The following TMC6 variants were observed in gnomAD, a reference collection of about 807,000 sequenced individuals.
TMC6 encodes transmembrane channel-like protein 6.
TMC6 carries 71 observed loss-of-function variants against 95.4 expected under a neutral mutation model. The ratio of observed to expected loss-of-function variants is 0.74; its 90% CI spans 0.61 to 0.91. The LOEUF is 0.91. Ranked by LOEUF, TMC6 falls within the 40% of genes least tolerant of loss-of-function variation. The pLI is 0.00. For synonymous variants in TMC6, 514 were observed against 483.1 expected (o/e 1.06, Z -0.84); for missense variants, 1,074 against 1,079.1 (o/e 1.00, Z 0.07).
At position 78,109,998 on chromosome 17, in the gene TMC6, G is replaced by A. The variant is rs1035673260; in HGVS notation, c.*3150C>T. 3.0e-5 allele frequency: 5 copies of A among 165,802 alleles called. No homozygotes were observed. The highest frequency in any genetic ancestry group is 2.9e-4 in the South Asian group (2 of 7,012). 10.3% of individuals were successfully genotyped at this position (165,802 alleles called of 1,614,324 possible). A position where few individuals can be genotyped will look rare whatever the true frequency, so the allele number is the denominator to read the frequency against. On this transcript the variant is annotated 3_prime_UTR_variant, in exon 20 of 20. Coordinates refer to ENST00000590602, the MANE Select transcript of TMC6 (RefSeq NM_001127198.5). ...GGAGAATGGCTTGAACCCAGTAGGCGGAGGTTGCGGTGAGCCAAGATCGTC... is the reference window on the plus strand; with the variant it reads ...GGAGAATGGCTTGAACCCAGTAGGCAGAGGTTGCGGTGAGCCAAGATCGTC...
intron 15 of TMC6, among the ~76,000 whole-genome samples, chr17:78,118,678 T>C (rs903719140): frequency 1.3e-5 from 2 of 152,034 alleles, no homozygotes; most frequent in Non-Finnish European, 2.9e-5. Flanking sequence ...GACCCAGAGG[T>C]CCCAAGGCTT....
intron 8 of TMC6, 31 bp downstream of exon 8, chr17:78,124,493 C>G: frequency 6.2e-7 from 1 of 1,603,368 alleles, no homozygotes; most frequent in Non-Finnish European, 8.5e-7. Context: ...AGACAGGCAC[C>G]CCCCGTCCCC....
At chr17:78,120,216 G>A (rs2145178757) in intron 13 of TMC6, 1 of 348,198 alleles carries the variant, frequency 2.9e-6, no homozygotes, top group Non-Finnish European at 5.6e-6. Flanking sequence ...CTGGAGTGCA[G>A]AGGCGCAATC....
At chr17:78,131,908 A>C, upstream of TMC6, 1 of 1,492,584 alleles carries the variant, frequency 6.7e-7, no homozygotes, top group Non-Finnish European at 8.9e-7. Flanking sequence ...GCGGGGGTGC[A>C]GACCTTGCGC....
At chr17:78,117,166 C>T in intron 18 of TMC6, 103 bp downstream of exon 18, 4 of 1,289,432 alleles carry the variant, frequency 3.1e-6, no homozygotes, top group South Asian at 1.2e-5. Flanking sequence ...AACCCTTTCA[C>T]CAGCCAAGGC....
At chr17:78,123,910 A>G in intron 9 of TMC6, 79 bp downstream of exon 9, 1 of 1,560,164 alleles carries the variant, frequency 6.4e-7, no homozygotes, top group South Asian at 1.1e-5. Context: ...AGGAAGAGGG[A>G]AGAATCAATG....
chr17:78,119,232 C>T (rs966935856), intron 14 of TMC6, 65 bp downstream of exon 14: 5 of 1,591,038 alleles, frequency 3.1e-6, no homozygotes, highest in South Asian at 1.1e-5. Flanking sequence ...AGGTACAGGA[C>T]CCCCGGGGGG....
In TMC6 at chr17:78,113,605, A is replaced by G; in HGVS notation, c.2297T>C (p.Phe766Ser). The change falls in exon 19 of 20, where the codon TTC (phenylalanine) becomes TCC (serine). Residue 766 changes from phenylalanine to serine, a missense_variant. Coordinates refer to ENST00000590602, the MANE Select transcript of TMC6 (RefSeq NM_001127198.5). ...QISNEGEDKI[F>S]LINKLHSIYE... ...GATGGAGTGAAGCTTGTTGATTAAGAAGATTTTGTCCTCACCCTCCTAGAA... is the reference window on the plus strand; with the variant it reads ...GATGGAGTGAAGCTTGTTGATTAAGGAGATTTTGTCCTCACCCTCCTAGAA... 6.2e-7 allele frequency: 1 copy of G among 1,613,912 alleles called. No homozygotes were observed. The highest frequency in any genetic ancestry group is 8.5e-7 in the Non-Finnish European group (1 of 1,180,014).
upstream of TMC6, among the ~76,000 whole-genome samples, chr17:78,130,254 A>G (rs1299886205): frequency 6.6e-6 from 1 of 152,136 alleles, no homozygotes; most frequent in Non-Finnish European, 1.5e-5. Flanking sequence ...CAGCAGTAAC[A>G]CCAAGAGTAT....
In TMC6 at chr17:78,109,158, C is replaced by T. The variant is rs1242688836; in HGVS notation, c.*3990G>A. The stretch of plus-strand genomic sequence containing the variant: ...CTATTTTGGCAACATCACGGCAGAA[C>T]GGTAAAGGCAGAAAGCACAGTGCCC... On this transcript the variant is annotated 3_prime_UTR_variant, in exon 20 of 20. Coordinates refer to ENST00000590602, the MANE Select transcript of TMC6 (RefSeq NM_001127198.5). 6 of 299,778 alleles carry T rather than the reference C, an allele frequency of 2.0e-5. No homozygotes were observed. Among genetic ancestry groups the T allele is most frequent in the Non-Finnish European group, 1.3e-5 (2 of 151,380 alleles). 18.6% of individuals were successfully genotyped at this position (299,778 alleles called of 1,614,324 possible).
At chr17:78,118,506 A>G (rs1374954396) in intron 15 of TMC6, among the ~76,000 whole-genome samples, 3 of 152,014 alleles carry the variant, frequency 2.0e-5, no homozygotes, top group Non-Finnish European at 4.4e-5. Flanking sequence ...CAGTGAGCCG[A>G]GATTGCGCCA....
chr17:78,125,258 G>C lies in TMC6; in HGVS notation c.436C>G (p.Gln146Glu), dbSNP rs376106882. The change falls in exon 6 of 20, where the codon CAG becomes GAG. Residue 146 changes from glutamine (Q) to glutamate (E), a missense_variant. Physicochemically the swap from Gln to Glu is conservative, Grantham distance 29. Coordinates refer to ENST00000590602, the MANE Select transcript of TMC6 (RefSeq NM_001127198.5). ...TGGAGCTCCTTCACCAGGAGGCTCTGCTTCTCTGCGAGAGGGAGAGGGAGG... is the reference window on the plus strand; with the variant it reads ...TGGAGCTCCTTCACCAGGAGGCTCTCCTTCTCTGCGAGAGGGAGAGGGAGG... ...DPTALEEEEK[Q>E]SLLVKELQSL... is the part of the protein sequence containing the mutation. 1 of 1,569,146 alleles carries C rather than the reference G, an allele frequency of 6.4e-7. No individual in the cohort carries two copies. The highest frequency in any genetic ancestry group is 1.9e-5 in the Admixed American group (1 of 53,274).
chr17:78,107,544 G>A lies in TMC6; in HGVS notation c.*5604C>T, dbSNP rs2073722945. On this transcript the variant is annotated 3_prime_UTR_variant, in exon 20 of 20. Transcript: ENST00000590602. ...GATTGGGAGAGCTGTCCCGCTGCAT[G>A]CGTTCCCTCTGTAATTTCCTCAGAG... 1 of 152,250 alleles carries A rather than the reference G, an allele frequency of 6.6e-6. No homozygotes were observed. Among genetic ancestry groups the A allele is most frequent in the Non-Finnish European group, 1.5e-5 (1 of 68,046 alleles). The allele number at this position is 152,250 out of a possible 1,614,324, so 9.4% of individuals were successfully genotyped here.
At chr17:78,126,472 TG>T (rs2074723794) in intron 3 of TMC6, 51 bp downstream of exon 3, 2 of 1,610,738 alleles carry the variant, frequency 1.2e-6, no homozygotes, top group Admixed American at 1.7e-5. Flanking sequence ...CCTGAGGGGC[TG>T]GGGCACCCAA....
Position 78,113,567 on chromosome 17 carries a change from C to A in TMC6, c.2335G>T (p.Glu779Ter). 1 of 1,614,030 alleles carries A rather than the reference C, an allele frequency of 6.2e-7. No homozygotes were observed. Among genetic ancestry groups the A allele is most frequent in the Non-Finnish European group, 8.5e-7 (1 of 1,180,014 alleles). The change falls in exon 19 of 20, where the codon GAG becomes TAG. Residue 779 changes from glutamate to a stop codon, truncating the protein, a stop_gained. Coordinates refer to ENST00000590602, the MANE Select transcript of TMC6 (RefSeq NM_001127198.5). LOFTEE classifies it low-confidence loss of function (END_TRUNC). ...NKLHSIYERK[E>*]REERSRVGTT... ...CCTCACCTGCTCCTCTCCTCCCTCT[C>A]CTTCCTCTCGTAGATGGAGTGAAGC...
chr17:78,108,767 C>G lies in TMC6; in HGVS notation c.*4381G>C, dbSNP rs1360566766. 6.5e-6 allele frequency: 1 copy of G among 152,722 alleles called. No individual in the cohort carries two copies. The highest frequency in any genetic ancestry group is 2.4e-5 in the African/African-American group (1 of 41,438). The allele number at this position is 152,722 out of a possible 1,614,324, so 9.5% of individuals were successfully genotyped here. A position where few individuals can be genotyped will look rare whatever the true frequency, so the allele number is the denominator to read the frequency against. ...CTTGAGGAAGACAACAGGTTCTTCA[C>G]CTGCATCTGTGGATATATATTTTTT... On this transcript the variant is annotated 3_prime_UTR_variant, in exon 20 of 20. Transcript: ENST00000590602.
At chr17:78,127,822 C>T (rs2074806412) in intron 1 of TMC6, among the ~76,000 whole-genome samples, 1 of 152,252 alleles carries the variant, frequency 6.6e-6, no homozygotes, top group Admixed American at 6.5e-5. Flanking sequence ...GTCACAGGAC[C>T]GGACGGCGCC....
chr17:78,131,980 G>T, upstream of TMC6: 1 of 1,522,740 alleles, frequency 6.6e-7, no homozygotes. Flanking sequence ...GCAGCGCAGC[G>T]GCTGGCCCGG....
chr17:78,131,568 C>A (rs1252475109), upstream of TMC6: 1 of 1,541,486 alleles, frequency 6.5e-7, no homozygotes, highest in Non-Finnish European at 8.7e-7. Flanking sequence ...GGCGCCCCAG[C>A]CTCTACCCGT....
Sources: allele counts gnomAD v4.1 joint callset (sites outside exome capture counted in the v4.1 genomes callset), GRCh38; gene constraint gnomAD v4.1.1; transcripts MANE v1.5; gene names NCBI Gene and HGNC (gene_info 2026-07-23, HGNC 2026-07-21).